The following FAM83B variants were observed in gnomAD, a reference collection of about 807,000 sequenced individuals.
The protein encoded by FAM83B is protein FAM83B.
Under a neutral mutation model 38.8 loss-of-function variants are expected in FAM83B, and 26 were observed. The ratio of observed to expected loss-of-function variants is 0.67; its 90% CI spans 0.49 to 0.93. The LOEUF (loss-of-function observed/expected upper bound fraction) is 0.93, where lower values mean the gene tolerates loss of function less well. FAM83B is among the 40% of genes least tolerant of loss of function. The probability of loss-of-function intolerance (pLI) is 0.00; values close to 1 mark genes in which losing one functional copy is unlikely to be tolerated. For missense variants in FAM83B, 1,237 were observed against 1,197.3 expected, an observed-to-expected ratio of 1.03 and a Z score of -0.49; for synonymous variants, 419 against 423.1, an observed-to-expected ratio of 0.99 and a Z score of 0.12.
At chr6:54,851,809 G>A (rs62412650) in intron 1 of FAM83B, among the ~76,000 whole-genome samples, 29,436 of 149,554 alleles carry the variant, frequency 0.2, 3,027 homozygotes, top group African/African-American at 0.25. Flanking sequence ...CACTACGCCC[G>A]GCTAATTTTT....
At chr6:54,915,634 G>A (rs1386837446) in intron 2 of FAM83B, among the ~76,000 whole-genome samples, 1 of 108,734 alleles carries the variant, frequency 9.2e-6, no homozygotes, top group East Asian at 2.0e-4. Context: ...GTGAAACCCC[G>A]TCTCTACTAA....
intron 2 of FAM83B, among the ~76,000 whole-genome samples, chr6:54,895,585 T>C (rs540123135): frequency 6.6e-6 from 1 of 152,360 alleles, no homozygotes. Context: ...TCAAGCATCA[T>C]ATATTCTGGA....
intron 1 of FAM83B, among the ~76,000 whole-genome samples, chr6:54,862,838 C>T (rs1189165220): frequency 1.3e-5 from 2 of 151,464 alleles, no homozygotes; most frequent in Non-Finnish European, 2.9e-5. Context: ...GAGCCGAGAT[C>T]GCGCCATTGC....
chr6:54,864,740 A>T (rs1427961956), intron 1 of FAM83B, among the ~76,000 whole-genome samples: 3 of 152,202 alleles, frequency 2.0e-5, no homozygotes, highest in Non-Finnish European at 2.9e-5. Context: ...GAAAGAAAAG[A>T]TATATGATTT....
intron 2 of FAM83B, among the ~76,000 whole-genome samples, chr6:54,887,811 A>G (rs1167473759): frequency 6.6e-6 from 1 of 151,832 alleles, no homozygotes; most frequent in African/African-American, 2.4e-5. Flanking sequence ...ACACACACAC[A>G]CTATACATTG....
In FAM83B at chr6:54,941,052, G is replaced by C; in HGVS notation, c.2081G>C (p.Arg694Thr). ...AGTACACTTACCAGGAATCGAGTTA[G>C]ACAACCAGAAAAGCCCAAAGAAGAT... ...VYSTLTRNRV[R>T]QPEKPKEDLL... The change falls in exon 5 of 5, where the codon AGA becomes ACA. Residue 694 changes from arginine (R) to threonine (T), a missense_variant. Transcript: ENST00000306858. 6.2e-7 allele frequency: 1 copy of C among 1,613,684 alleles called. No individual in the cohort carries two copies. Among genetic ancestry groups the C allele is most frequent in the Non-Finnish European group, 8.5e-7 (1 of 1,179,918 alleles).
chr6:54,925,834 A>G (rs776910698), intron 2 of FAM83B, among the ~76,000 whole-genome samples: 33 of 152,144 alleles, frequency 2.2e-4, no homozygotes, highest in Non-Finnish European at 4.7e-4. Flanking sequence ...TTCCCCCAGT[A>G]AACTGAGGAA....
At chr6:54,905,192 T>C (rs1266526486) in intron 2 of FAM83B, among the ~76,000 whole-genome samples, 1 of 152,154 alleles carries the variant, frequency 6.6e-6, no homozygotes, top group Non-Finnish European at 1.5e-5. Flanking sequence ...ATGGTGGTGC[T>C]GTTTGGAACT....
chr6:54,870,187 A>G lies in FAM83B; in HGVS notation c.-60A>G. On this transcript the variant is annotated splice_region_variant and 5_prime_UTR_variant, in exon 2 of 5. Transcript: ENST00000306858. Reference sequence around the variant, plus strand: ...TGATTTTCTTCTTTTCAAATACCAGATACTTCTCACCACTGCATGAATGGA... The same window carrying G: ...TGATTTTCTTCTTTTCAAATACCAGGTACTTCTCACCACTGCATGAATGGA... 1.6e-6 allele frequency: 2 copies of G among 1,280,344 alleles called. No homozygotes were observed. The highest frequency in any genetic ancestry group is 1.1e-6 in the Non-Finnish European group (1 of 907,040). The allele number at this position is 1,280,344 out of a possible 1,614,324, so 79.3% of individuals were successfully genotyped here.
chr6:54,858,386 G>T (rs1030504147), intron 1 of FAM83B, among the ~76,000 whole-genome samples: 88 of 152,208 alleles, frequency 5.8e-4, no homozygotes, highest in African/African-American at 2.0e-3. Context: ...CTTGAAAAAA[G>T]AATCTAGATT....
At chr6:54,928,951 A>G (rs1415420907) in intron 4 of FAM83B, among the ~76,000 whole-genome samples, 2 of 152,134 alleles carry the variant, frequency 1.3e-5, no homozygotes, top group African/African-American at 4.8e-5. Flanking sequence ...TGACAAAAAA[A>G]TTATATATCT....
At chr6:54,877,315 AGG>A (rs150505254) in intron 2 of FAM83B, among the ~76,000 whole-genome samples, 14,564 of 152,176 alleles carry the variant, frequency 0.096, 782 homozygotes, top group South Asian at 0.15. Context: ...CATGAAAATA[AGG>A]GGATATTACT....
chr6:54,869,029 A>G (rs1360083953), intron 1 of FAM83B, among the ~76,000 whole-genome samples: 2 of 152,212 alleles, frequency 1.3e-5, no homozygotes, highest in African/African-American at 2.4e-5. Context: ...TGGAAAGTCC[A>G]TCATCTGATT....
chr6:54,848,657 T>C (rs1251239567), intron 1 of FAM83B, among the ~76,000 whole-genome samples: 1 of 152,220 alleles, frequency 6.6e-6, no homozygotes, highest in Non-Finnish European at 1.5e-5. Flanking sequence ...AGTATTTTCT[T>C]GACCATGACT....
In FAM83B at chr6:54,939,893, C is replaced by T; in HGVS notation, c.922C>T (p.His308Tyr). Residue 308 changes from histidine (H) to tyrosine (Y), a missense_variant, in exon 5 of 5, where the codon CAT becomes TAT. His to Tyr is a moderately conservative substitution (Grantham distance 83). Coordinates refer to ENST00000306858, the MANE Select transcript of FAM83B (RefSeq NM_001010872.3). ...KALWENGTYQ[H>Y]SVSSLASVSS... ...CCTCTGGGAAAATGGCACTTACCAG[C>T]ATTCGGTGTCTTCATTAGCATCTGT... 1 of 1,613,984 alleles carries T rather than the reference C, an allele frequency of 6.2e-7. No individual in the cohort carries two copies. Among genetic ancestry groups the T allele is most frequent in the Non-Finnish European group, 8.5e-7 (1 of 1,179,948 alleles).
intron 1 of FAM83B, among the ~76,000 whole-genome samples, chr6:54,859,468 A>C (rs1022706866): frequency 6.6e-6 from 1 of 152,212 alleles, no homozygotes; most frequent in Admixed American, 6.5e-5. Context: ...TCATTAGCTT[A>C]TTTAACAATT....
At chr6:54,907,469 CTTCAG>C (rs1274284445) in intron 2 of FAM83B, among the ~76,000 whole-genome samples, 1 of 152,078 alleles carries the variant, frequency 6.6e-6, no homozygotes, top group Non-Finnish European at 1.5e-5. Context: ...CACTGCATCT[CTTCAG>C]TTCTTTATTC....
chr6:54,920,548 G>A (rs1256633237), intron 2 of FAM83B, among the ~76,000 whole-genome samples: 4 of 151,740 alleles, frequency 2.6e-5, no homozygotes, highest in Non-Finnish European at 4.4e-5. Flanking sequence ...TAATAGCTCT[G>A]TATTATAATA....
At chr6:54,906,427 C>G (rs944457151) in intron 2 of FAM83B, among the ~76,000 whole-genome samples, 2 of 152,008 alleles carry the variant, frequency 1.3e-5, no homozygotes, top group South Asian at 4.1e-4. Context: ...CTCTGTTGCC[C>G]AGGCTGGAGT....
Sources: allele counts gnomAD v4.1 joint callset (sites outside exome capture counted in the v4.1 genomes callset), GRCh38; gene constraint gnomAD v4.1.1; transcripts MANE v1.5; gene names NCBI Gene and HGNC (gene_info 2026-07-23, HGNC 2026-07-21).